Variants in DLG2 observed in about 807,000 individuals in gnomAD.
DLG2 encodes the protein disks large homolog 2.
In DLG2, 45 loss-of-function variants were observed where a neutral mutation model predicts 132.5. That is an observed-to-expected ratio of 0.34 (90% CI 0.27 to 0.44). DLG2 has a LOEUF of 0.44. DLG2 is among the 20% of genes least tolerant of loss of function. The pLI, the probability that DLG2 is intolerant of heterozygous loss-of-function variation, is 1.00. For synonymous variants in DLG2, 424 were observed against 419.6 expected (o/e 1.01, Z -0.13); for missense variants, 1,045 against 1,196.9 (o/e 0.87, Z 1.87).
chr11:83,725,297 C>T (rs933102106), intron 18 of DLG2: 16 of 181,730 alleles, frequency 8.8e-5, no homozygotes, highest in African/African-American at 3.0e-4. Context: ...ATCCTGCCTC[C>T]CAGCTAGCTG....
At chr11:85,422,198 T>A (rs1416579084) in intron 3 of DLG2, among the ~76,000 whole-genome samples, 1 of 152,244 alleles carries the variant, frequency 6.6e-6, no homozygotes, top group East Asian at 1.9e-4. Context: ...TTCCCAGGAA[T>A]TCTTTGTGCT....
At chr11:85,434,877 G>A (rs1336820208) in intron 3 of DLG2, among the ~76,000 whole-genome samples, 1 of 151,996 alleles carries the variant, frequency 6.6e-6, no homozygotes, top group African/African-American at 2.4e-5. Context: ...AAAATAGAAA[G>A]CTTCAGGCCA....
chr11:84,498,984 C>T (rs1341980050), intron 7 of DLG2, among the ~76,000 whole-genome samples: 4 of 152,172 alleles, frequency 2.6e-5, no homozygotes, highest in Non-Finnish European at 5.9e-5. Context: ...GTCAAAGCTG[C>T]ACCTAGAACC....
chr11:83,517,353 C>T (rs1458475482), intron 21 of DLG2, among the ~76,000 whole-genome samples: 1 of 152,212 alleles, frequency 6.6e-6, no homozygotes, highest in Non-Finnish European at 1.5e-5. Flanking sequence ...AGTTCTCATG[C>T]TGTGGTTTTC....
intron 18 of DLG2, among the ~76,000 whole-genome samples, chr11:83,666,438 C>T (rs2075592989): frequency 6.6e-6 from 1 of 152,134 alleles, no homozygotes; most frequent in Non-Finnish European, 1.5e-5. Context: ...AGTGCAAAGC[C>T]TATTGTGAAC....
rs1460591342 is a variant in DLG2 at position 83,459,121 on chromosome 11, C to G, written c.*697G>C. On this transcript the variant is annotated 3_prime_UTR_variant, in exon 28 of 28. Coordinates refer to ENST00000376104, the MANE Select transcript of DLG2 (RefSeq NM_001142699.3). The stretch of plus-strand genomic sequence containing the variant: ...ATATATTTTTATTGTATAAATTATT[C>G]TCATCTTTAGTGCCTTCTTTCAGTT... 6.6e-6 allele frequency: 1 copy of G among 152,554 alleles called. No individual in the cohort carries two copies. The highest frequency in any genetic ancestry group is 1.5e-5 in the Non-Finnish European group (1 of 68,012). The allele number at this position is 152,554 out of a possible 1,614,324, so 9.5% of individuals were successfully genotyped here.
At position 84,384,002 on chromosome 11, in the gene DLG2, C is replaced by T. The variant is rs1601124882; in HGVS notation, c.520-132711G>A. ...CCATCAAGCAGCTGAAACTTTTATA[C>T]TCAAATAAATTGTTTCCCAACAGAT... On this transcript the variant is annotated intron_variant, in intron 7 of 27. Coordinates refer to ENST00000376104, the MANE Select transcript of DLG2 (RefSeq NM_001142699.3). 2.0e-5 allele frequency among the ~76,000 whole-genome samples: 3 copies of T among 151,218 alleles called. No individual in the cohort carries two copies. The Admixed American group carries it at 2.0e-4, about 10-fold the overall frequency.
chr11:84,291,680 T>C (rs1327441195), intron 7 of DLG2, among the ~76,000 whole-genome samples: 1 of 152,210 alleles, frequency 6.6e-6, no homozygotes, highest in Non-Finnish European at 1.5e-5. Flanking sequence ...AGGGTTCATG[T>C]AAAAACAAGT....
chr11:85,385,110 T>C (rs942801258), intron 3 of DLG2, among the ~76,000 whole-genome samples: 2 of 152,220 alleles, frequency 1.3e-5, no homozygotes, highest in African/African-American at 4.8e-5. Context: ...ATGTTACACT[T>C]CTACAACTCT....
At chr11:84,137,787 G>T (rs941278280) in intron 9 of DLG2, among the ~76,000 whole-genome samples, 2 of 151,880 alleles carry the variant, frequency 1.3e-5, no homozygotes, top group African/African-American at 4.8e-5. Flanking sequence ...AGCCTTCTAA[G>T]ACTAATTCAT....
chr11:84,662,804 A>T (rs1245450060), intron 6 of DLG2, among the ~76,000 whole-genome samples: 1 of 151,576 alleles, frequency 6.6e-6, no homozygotes, highest in Admixed American at 6.6e-5. Context: ...AAAAAAAAAA[A>T]AAAGGCAGTC....
intron 6 of DLG2, among the ~76,000 whole-genome samples, chr11:85,065,263 C>T (rs928916949): frequency 2.0e-5 from 3 of 151,368 alleles, no homozygotes; most frequent in African/African-American, 4.8e-5. Flanking sequence ...CTATCTTAAT[C>T]CCCCATAAAT....
chr11:84,711,278 AC>A (rs1316123561), intron 6 of DLG2, among the ~76,000 whole-genome samples: 3 of 148,632 alleles, frequency 2.0e-5, no homozygotes, highest in Non-Finnish European at 4.5e-5. Flanking sequence ...CAGGCATCTC[AC>A]CCCAGATACT....
intron 7 of DLG2, among the ~76,000 whole-genome samples, chr11:84,499,376 T>G (rs1056545871): frequency 6.6e-6 from 1 of 152,182 alleles, no homozygotes. Context: ...AGCTCAAATT[T>G]GCACAGGACT....
intron 7 of DLG2, among the ~76,000 whole-genome samples, chr11:84,444,434 G>A (rs192212563): frequency 9.2e-5 from 14 of 152,146 alleles, no homozygotes; most frequent in Admixed American, 5.2e-4. Context: ...ATGGTGGAAG[G>A]TAGGAATCTA....
chr11:85,546,939 G>T (rs180978738), intron 3 of DLG2, among the ~76,000 whole-genome samples: 1 of 150,204 alleles, frequency 6.7e-6, no homozygotes, highest in East Asian at 2.0e-4. Flanking sequence ...GCACATCAAT[G>T]GGTCTTGACT....
At chr11:85,399,130 C>A (rs1158221714) in intron 3 of DLG2, among the ~76,000 whole-genome samples, 1 of 152,040 alleles carries the variant, frequency 6.6e-6, no homozygotes, top group Non-Finnish European at 1.5e-5. Context: ...TTCTTATACA[C>A]CAATAACAGA....
At chr11:84,097,260 A>C (rs1451689502) in intron 10 of DLG2, among the ~76,000 whole-genome samples, 1 of 152,126 alleles carries the variant, frequency 6.6e-6, no homozygotes, top group South Asian at 2.1e-4. Flanking sequence ...TGGCCTCGTT[A>C]GCCCAGTTTT....
At chr11:84,870,498 A>G (rs2085308359) in intron 6 of DLG2, among the ~76,000 whole-genome samples, 1 of 152,230 alleles carries the variant, frequency 6.6e-6, no homozygotes, top group African/African-American at 2.4e-5. Context: ...AGAGAATGAC[A>G]TAAGAATGCT....
Sources: allele counts gnomAD v4.1 joint callset (sites outside exome capture counted in the v4.1 genomes callset), GRCh38; gene constraint gnomAD v4.1.1; transcripts MANE v1.5; gene names NCBI Gene and HGNC (gene_info 2026-07-23, HGNC 2026-07-21).